The following DPP10 variants were observed in gnomAD, a reference collection of about 807,000 sequenced individuals.
DPP10 encodes inactive dipeptidyl peptidase 10.
Under a neutral mutation model 120.9 loss-of-function variants are expected in DPP10, and 33 were observed. The observed-to-expected ratio is 0.27, with a 90% CI of 0.21 to 0.37. The LOEUF (loss-of-function observed/expected upper bound fraction) is 0.37, where lower values mean the gene tolerates loss of function less well. DPP10 is among the 10% of genes least tolerant of loss of function. DPP10 has a pLI of 1.00. For synonymous variants in DPP10, 337 were observed against 326.1 expected (o/e 1.03, Z -0.36); for missense variants, 816 against 942.8 (o/e 0.87, Z 1.76).
chr2:115,590,270 AC>A (rs2082563331), intron 5 of DPP10, among the ~76,000 whole-genome samples: 1 of 151,526 alleles, frequency 6.6e-6, no homozygotes, highest in African/African-American at 2.4e-5. Context: ...CGCACCTGTT[AC>A]CTCGTCATTT....
At chr2:114,733,790 A>G (rs574243826) in intron 1 of DPP10, among the ~76,000 whole-genome samples, 68 of 152,308 alleles carry the variant, frequency 4.5e-4, no homozygotes, top group African/African-American at 1.6e-3. Context: ...AGTATTGAAT[A>G]TAACGATCCA....
chr2:115,050,524 C>G (rs1705391775), intron 1 of DPP10, among the ~76,000 whole-genome samples: 3 of 151,984 alleles, frequency 2.0e-5, no homozygotes, highest in Non-Finnish European at 1.5e-5. Flanking sequence ...ATAATAGTCA[C>G]TGTTTCCTGG....
At chr2:115,674,027 C>G (rs1389393537) in intron 5 of DPP10, among the ~76,000 whole-genome samples, 1 of 151,984 alleles carries the variant, frequency 6.6e-6, no homozygotes, top group Non-Finnish European at 1.5e-5. Context: ...GCCTGACCAA[C>G]AAGGAGAAAC....
At chr2:115,424,299 C>A (rs1021969158) in intron 3 of DPP10, among the ~76,000 whole-genome samples, 1 of 151,952 alleles carries the variant, frequency 6.6e-6, no homozygotes, top group African/African-American at 2.4e-5. Flanking sequence ...CCAGAACTTA[C>A]TATTTTTCCT....
chr2:115,043,416 C>T (rs1704817325), intron 1 of DPP10, among the ~76,000 whole-genome samples: 2 of 152,022 alleles, frequency 1.3e-5, no homozygotes, highest in African/African-American at 4.8e-5. Context: ...TTCAAAGTAC[C>T]CTCATCACAA....
chr2:115,137,179 T>A (rs1160749410), intron 1 of DPP10, among the ~76,000 whole-genome samples: 2 of 152,172 alleles, frequency 1.3e-5, no homozygotes, highest in Non-Finnish European at 1.5e-5. Context: ...CACCTTTGTA[T>A]GGGAAGAGCA....
chr2:114,740,737 T>C (rs1339703961), intron 1 of DPP10, among the ~76,000 whole-genome samples: 2 of 152,172 alleles, frequency 1.3e-5, no homozygotes, highest in Non-Finnish European at 2.9e-5. Context: ...TATAGCATAT[T>C]TTTGAAGGTC....
chr2:114,472,906 C>G (rs886862498), intron 1 of DPP10, among the ~76,000 whole-genome samples: 8 of 152,198 alleles, frequency 5.3e-5, no homozygotes, highest in Non-Finnish European at 1.0e-4. Flanking sequence ...GCCGTTCTAC[C>G]TTAGCCAATC....
chr2:114,600,517 TCTGG>T (rs1216740880), intron 1 of DPP10, among the ~76,000 whole-genome samples: 2 of 151,796 alleles, frequency 1.3e-5, no homozygotes, highest in Non-Finnish European at 3.0e-5. Flanking sequence ...ATGTGATTTC[TCTGG>T]GCTTGTTTCC....
chr2:115,047,242 A>G (rs1705136302), intron 1 of DPP10, among the ~76,000 whole-genome samples: 1 of 152,116 alleles, frequency 6.6e-6, no homozygotes, highest in Admixed American at 6.5e-5. Context: ...AATAAATCAA[A>G]CAAATGTTTC....
intron 5 of DPP10, among the ~76,000 whole-genome samples, chr2:115,575,041 T>C (rs1354793912): frequency 1.3e-5 from 2 of 152,224 alleles, no homozygotes; most frequent in Non-Finnish European, 2.9e-5. Context: ...AGTTTTATTG[T>C]ACAGCACCTT....
At chr2:115,758,294 A>G in intron 11 of DPP10, among the ~76,000 whole-genome samples, 1 of 151,814 alleles carries the variant, frequency 6.6e-6, no homozygotes, top group Non-Finnish European at 1.5e-5. Flanking sequence ...TGAAGAAACA[A>G]CAAAACATAA....
At chr2:115,376,151 C>T (rs1413175790) in intron 3 of DPP10, among the ~76,000 whole-genome samples, 1 of 152,060 alleles carries the variant, frequency 6.6e-6, no homozygotes, top group African/African-American at 2.4e-5. Flanking sequence ...ATTCATTTGT[C>T]TGCTTGTTTG....
At chr2:115,646,363 A>C (rs2087257065) in intron 5 of DPP10, among the ~76,000 whole-genome samples, 1 of 152,148 alleles carries the variant, frequency 6.6e-6, no homozygotes, top group Admixed American at 6.6e-5. Context: ...ATGGGAACAC[A>C]GCCTGACTCT....
intron 1 of DPP10, among the ~76,000 whole-genome samples, chr2:115,172,704 G>C (rs1186008876): frequency 6.6e-6 from 1 of 152,166 alleles, no homozygotes; most frequent in Non-Finnish European, 1.5e-5. Context: ...AATGAAATAG[G>C]TTTACTATCC....
intron 1 of DPP10, among the ~76,000 whole-genome samples, chr2:114,554,614 A>C (rs1198198812): frequency 6.6e-6 from 1 of 152,204 alleles, no homozygotes; most frequent in Admixed American, 6.5e-5. Flanking sequence ...TGTCACACTG[A>C]ATCTGACCTG....
intron 1 of DPP10, among the ~76,000 whole-genome samples, chr2:114,791,737 A>G (rs185533779): frequency 7.4e-4 from 112 of 152,304 alleles, no homozygotes; most frequent in Admixed American, 5.0e-3. Context: ...AACAAAAAGG[A>G]CAGTGAGTAT....
At chr2:114,541,914 T>A (rs1686982148) in intron 1 of DPP10, among the ~76,000 whole-genome samples, 1 of 152,070 alleles carries the variant, frequency 6.6e-6, no homozygotes, top group South Asian at 2.1e-4. Flanking sequence ...ATTTAAAACA[T>A]CCCTTTATTA....
At chr2:115,237,680 A>G (rs1371806810) in intron 1 of DPP10, among the ~76,000 whole-genome samples, 1 of 152,228 alleles carries the variant, frequency 6.6e-6, no homozygotes, top group East Asian at 1.9e-4. Context: ...ACTCCAGTGA[A>G]TGCACAAATG....
Sources: gnomAD v4.1 joint callset for allele counts (sites outside exome capture counted in the v4.1 genomes callset) on GRCh38, gnomAD v4.1.1 for gene constraint, MANE v1.5 for transcripts, NCBI Gene and HGNC (gene_info 2026-07-23, HGNC 2026-07-21) for gene names.